GRIK5: variants seen among roughly 807,000 people sequenced by gnomAD.
GRIK5 encodes the protein glutamate receptor ionotropic, kainate 5.
In GRIK5, 43 loss-of-function variants were observed where a neutral mutation model predicts 97.4. That is an observed-to-expected ratio of 0.44 (90% confidence interval 0.35 to 0.57). The LOEUF is 0.57. GRIK5 is among the 20% of genes least tolerant of loss of function. The pLI is 0.01. For synonymous variants in GRIK5, 580 were observed against 583.5 expected (o/e 0.99, Z 0.09); for missense variants, 1,015 against 1,382.0 (o/e 0.73, Z 4.21).
At position 42,065,548 on chromosome 19, in the gene GRIK5, T is replaced by C. The variant is rs921336874; in HGVS notation, c.79+144A>G. 1.0e-6 allele frequency: 1 copy of C among 978,708 alleles called. No homozygotes were observed. The highest frequency in any genetic ancestry group is 2.6e-5 in the East Asian group (1 of 38,066). 60.6% of individuals were successfully genotyped at this position (978,708 alleles called of 1,614,324 possible). A position where few individuals can be genotyped will look rare whatever the true frequency, so the allele number is the denominator to read the frequency against. Reference sequence around the variant, plus strand: ...GGAGCTAGGGGTCTGGACTCCTGGGTCCTGGGGGAAGGAGGAACTGGAGGC... The same window carrying C: ...GGAGCTAGGGGTCTGGACTCCTGGGCCCTGGGGGAAGGAGGAACTGGAGGC... On this transcript the variant is annotated intron_variant, in intron 2 of 19. Coordinates refer to ENST00000593562, the MANE Select transcript of GRIK5 (RefSeq NM_002088.5). The surrounding 1 kb of genome is among the most constrained non-coding windows in gnomAD (Gnocchi z 5.8).
At chr19:42,008,748 A>T (rs1355459508) in intron 15 of GRIK5, among the ~76,000 whole-genome samples, 1 of 152,232 alleles carries the variant, frequency 6.6e-6, no homozygotes, top group Non-Finnish European at 1.5e-5. Context: ...AGACAAGGAC[A>T]TGAAAACAGC....
rs1445025512 is a variant in GRIK5, at chr19:42,054,304, C to A, written c.1056+16G>T. ...GCCGTGTCCTGCCTCCTCCACCCATCCCCGCTCGGGCTCACCATGCGCAGG... is the reference window on the plus strand; with the variant it reads ...GCCGTGTCCTGCCTCCTCCACCCATACCCGCTCGGGCTCACCATGCGCAGG... On this transcript the variant is annotated intron_variant, in intron 9 of 19. Transcript: ENST00000593562. 4 of 1,598,740 alleles carry A rather than the reference C, an allele frequency of 2.5e-6. No homozygotes were observed. Among genetic ancestry groups the A allele is most frequent in the South Asian group, 2.2e-5 (2 of 90,714 alleles).
chr19:42,029,153 C>A (rs1425085359), intron 12 of GRIK5, among the ~76,000 whole-genome samples: 1 of 152,048 alleles, frequency 6.6e-6, no homozygotes, highest in East Asian at 1.9e-4. Context: ...CTGCAACCTC[C>A]GCCTCCTGGG....
chr19:42,009,478 A>G (rs1230495627), intron 15 of GRIK5, among the ~76,000 whole-genome samples: 6 of 151,726 alleles, frequency 4.0e-5, no homozygotes, highest in African/African-American at 1.5e-4. Flanking sequence ...TTTAAAAAAA[A>G]AAAAAAAGGC....
In GRIK5 at chr19:42,022,465, A is replaced by C. The variant is rs565779827; in HGVS notation, c.1474-111T>G. Reference sequence around the variant, plus strand: ...AGCAACTGAGGGAGGCGAGAGAGAGAGAGGTAGGGAGGGGGAGGGGCCAGG... The same window carrying C: ...AGCAACTGAGGGAGGCGAGAGAGAGCGAGGTAGGGAGGGGGAGGGGCCAGG... On this transcript the variant is annotated intron_variant, in intron 12 of 19. Transcript: ENST00000593562. This position sits in a 1 kb window ranked among gnomAD's most constrained non-coding sequence, Gnocchi z 4.2. 1.4e-6 allele frequency: 2 copies of C among 1,461,424 alleles called. No homozygotes were observed. Among genetic ancestry groups the C allele is most frequent in the South Asian group, 1.3e-5 (1 of 75,596 alleles). The allele number at this position is 1,461,424 out of a possible 1,614,324, so 90.5% of individuals were successfully genotyped here.
rs1353097569 is a variant in GRIK5 at position 42,069,766 on chromosome 19, CT to C, written c.-577del. 6.6e-6 allele frequency among the ~76,000 whole-genome samples: 1 copy of C among 151,854 alleles called. No homozygotes were observed. Among genetic ancestry groups the C allele is most frequent in the Non-Finnish European group, 1.5e-5 (1 of 67,880 alleles). On this transcript the variant is annotated 5_prime_UTR_variant, in exon 1 of 20. Coordinates refer to ENST00000593562, the MANE Select transcript of GRIK5 (RefSeq NM_002088.5). ...GGGCCGCCCCCTTTCCCCCTCCCCC[CT>C]GGAGCCTGGGCCCTGCCCTGGTTGA...
chr19:42,015,523 C>T (rs1240246670), intron 15 of GRIK5, among the ~76,000 whole-genome samples: 1 of 152,234 alleles, frequency 6.6e-6, no homozygotes, highest in Non-Finnish European at 1.5e-5. Flanking sequence ...CAAATCCTGT[C>T]TTCTCCATCA....
rs534228092 is a variant in GRIK5 at position 42,021,078 on chromosome 19, G to A, written c.1871+223C>T. ...GGCATCTTTCTCCCCATCTTTCAGG[G>A]AGGTCACTGAGGCAAAGGGAGGGTT... On this transcript the variant is annotated intron_variant, in intron 15 of 19. Coordinates refer to ENST00000593562, the MANE Select transcript of GRIK5 (RefSeq NM_002088.5). The surrounding 1 kb of genome is among the most constrained non-coding windows in gnomAD (Gnocchi z 4.2). Among the ~76,000 whole-genome samples the A allele has an allele frequency of 2.6e-5, 4 of 152,278 alleles. No individual in the cohort carries two copies. The highest frequency in any genetic ancestry group is 9.6e-5 in the African/African-American group (4 of 41,560).
chr19:42,042,537 C>T lies in GRIK5; in HGVS notation c.1473+15G>A. The T allele has an allele frequency of 6.3e-7, 1 of 1,597,594 alleles. No individual in the cohort carries two copies. The stretch of plus-strand genomic sequence containing the variant: ...CCGGGTCCATGCATCTTTCCCGGCC[C>T]CAGTCCAGCCATACCCGGTTGATGA... On this transcript the variant is annotated intron_variant, in intron 12 of 19. Transcript: ENST00000593562. This position sits in a 1 kb window ranked among gnomAD's most constrained non-coding sequence, Gnocchi z 6.9.
chr19:42,003,337 C>T lies in GRIK5; in HGVS notation c.2509G>A (p.Glu837Lys), dbSNP rs782084387. Residue 837 changes from glutamate (E) to lysine (K), a missense_variant, in exon 19 of 20, where the codon GAG (glutamate) becomes AAG (lysine). Glu to Lys is a moderately conservative substitution (Grantham distance 56, BLOSUM62 1). This residue lies in a region of GRIK5 where 229 missense variants were observed against 341.0 expected (regional missense o/e 0.67). Transcript: ENST00000593562. This position sits in a 1 kb window ranked among gnomAD's most constrained non-coding sequence, Gnocchi z 4.2. ...IWSTRRSAES[E>K]EVSVCQEMLQ... is the part of the protein sequence containing the mutation. The stretch of plus-strand genomic sequence containing the variant: ...CCCACCCCCAGCCTCCTCACCTCCT[C>T]GGACTCAGCTGACCTCCGTGTGGAC... The T allele has an allele frequency of 1.2e-5, 20 of 1,609,566 alleles. No homozygotes were observed. The highest frequency in any genetic ancestry group is 2.2e-5 in the East Asian group (1 of 44,752).
intron 11 of GRIK5, among the ~76,000 whole-genome samples, chr19:42,043,323 T>C (rs1156284896): frequency 6.6e-6 from 1 of 151,918 alleles, no homozygotes; most frequent in Non-Finnish European, 1.5e-5. Context: ...GGGTTAAAGA[T>C]GGTATTCCCT....
Position 42,005,912 on chromosome 19 carries a change from A to G in GRIK5, c.2074T>C (p.Tyr692His). 1.3e-6 allele frequency: 2 copies of G among 1,596,758 alleles called. No homozygotes were observed. The highest frequency in any genetic ancestry group is 1.7e-6 in the Non-Finnish European group (2 of 1,166,270). Residue 692 changes from tyrosine (Y) to histidine (H), a missense_variant, in exon 17 of 20, where the codon TAC becomes CAC. This residue lies in a region of GRIK5 where 229 missense variants were observed against 341.0 expected (regional missense o/e 0.67). Coordinates refer to ENST00000593562, the MANE Select transcript of GRIK5 (RefSeq NM_002088.5). Reference sequence around the variant, plus strand: ...ACGCTGGGCTGCTTCGACTGCATGTAGTTCCACATGCGCTGGTACGTTTGG... The same window carrying G: ...ACGCTGGGCTGCTTCGACTGCATGTGGTTCCACATGCGCTGGTACGTTTGG... ...RYQTYQRMWN[Y>H]MQSKQPSVFV...
In GRIK5 at chr19:42,056,652, G is replaced by A. The variant is rs1365074617; in HGVS notation, c.903+10C>T. ...TGTTTCTGGGTGTGACTGGGTATCT[G>A]TGTGCTCACCGCAGGGCCCAGGTAG... On this transcript the variant is annotated intron_variant, in intron 8 of 19. Transcript: ENST00000593562. 2 of 1,612,736 alleles carry A rather than the reference G, an allele frequency of 1.2e-6. No homozygotes were observed. The highest frequency in any genetic ancestry group is 3.3e-5 in the Admixed American group (2 of 60,010).
intron 12 of GRIK5, among the ~76,000 whole-genome samples, chr19:42,037,443 A>T (rs1410144137): frequency 6.6e-6 from 1 of 152,240 alleles, no homozygotes; most frequent in Non-Finnish European, 1.5e-5. Context: ...TGGGCGACAG[A>T]GTGAGACTCT....
At chr19:42,010,691 A>C (rs914132206) in intron 15 of GRIK5, among the ~76,000 whole-genome samples, 1 of 152,240 alleles carries the variant, frequency 6.6e-6, no homozygotes, top group Non-Finnish European at 1.5e-5. Flanking sequence ...AGGTAAAAGA[A>C]ACACAACACC....
rs371993759 is a variant in GRIK5 at position 42,003,471 on chromosome 19, T to C, written c.2393-18A>G. On this transcript the variant is annotated intron_variant, in intron 18 of 19. Transcript: ENST00000593562. This position sits in a 1 kb window ranked among gnomAD's most constrained non-coding sequence, Gnocchi z 4.2. The stretch of plus-strand genomic sequence containing the variant: ...GCCCAAACCTGGAGGGCGAAGGGAG[T>C]TGGGGGGCAAAGGGAGTTGGGGCTG... 1 of 1,612,022 alleles carries C rather than the reference T, an allele frequency of 6.2e-7. No homozygotes were observed. Among genetic ancestry groups the C allele is most frequent in the African/African-American group, 1.3e-5 (1 of 74,654 alleles).
At position 42,003,026 on chromosome 19, in the gene GRIK5, GCACT is replaced by G. The variant is rs1426740870; in HGVS notation, c.2514+302_2514+305del. Among the ~76,000 whole-genome samples, 2 of 152,060 alleles carry G rather than the reference GCACT, an allele frequency of 1.3e-5. No individual in the cohort carries two copies. The highest frequency in any genetic ancestry group is 2.9e-5 in the Non-Finnish European group (2 of 68,004). On this transcript the variant is annotated intron_variant, in intron 19 of 19. Transcript: ENST00000593562. This position sits in a 1 kb window ranked among gnomAD's most constrained non-coding sequence, Gnocchi z 4.2. ...GCTGGGATTACAGGTGTGAGCCACT[GCACT>G]TGGCCCTGTTTCTCTTCTTATTTCT...
In GRIK5 at chr19:42,002,127, G is replaced by A. The variant is rs1427750948; in HGVS notation, c.2514+1205C>T. ...GAGACCGGGAATTTCAGACATGGAA[G>A]TTGCTGGTGACAAGAGTGGCTTCAG... On this transcript the variant is annotated intron_variant, in intron 19 of 19. Transcript: ENST00000593562. The surrounding 1 kb of genome is among the most constrained non-coding windows in gnomAD (Gnocchi z 5.2). The A allele has an allele frequency of 7.0e-6, 5 of 716,930 alleles. No homozygotes were observed. The highest frequency in any genetic ancestry group is 1.3e-5 in the Non-Finnish European group (5 of 384,710). 44.4% of individuals were successfully genotyped at this position (716,930 alleles called of 1,614,324 possible). A position where few individuals can be genotyped will look rare whatever the true frequency, so the allele number is the denominator to read the frequency against.
At chr19:42,066,470 G>T (rs1391412353) in intron 1 of GRIK5, among the ~76,000 whole-genome samples, 1 of 149,038 alleles carries the variant, frequency 6.7e-6, no homozygotes, top group Non-Finnish European at 1.5e-5. Flanking sequence ...GCAGTAAAAG[G>T]GGGAAAAAAA....
Sources: allele counts gnomAD v4.1 joint callset (sites outside exome capture counted in the v4.1 genomes callset), GRCh38; gene constraint gnomAD v4.1.1; regional missense constraint gnomAD v4.1.1; non-coding constraint Gnocchi (gnomAD v3.1); transcripts MANE v1.5; gene names NCBI Gene and HGNC (gene_info 2026-07-23, HGNC 2026-07-21).